Variants in PIEZO1 observed in about 807,000 individuals in gnomAD.
PIEZO1 encodes piezo-type mechanosensitive ion channel component 1.
A neutral mutation model predicts 297.2 loss-of-function variants in PIEZO1; 296 were observed. The observed-to-expected ratio is 1.00, with a 90% CI of 0.91 to 1.10. PIEZO1 has a LOEUF of 1.10. PIEZO1 is among the 50% of genes least tolerant of loss of function. The probability of loss-of-function intolerance (pLI) is 0.00; values close to 1 mark genes in which losing one functional copy is unlikely to be tolerated. For synonymous variants in PIEZO1, 2,427 were observed against 1,507.5 expected (o/e 1.61, Z -14.13); for missense variants, 5,018 against 3,455.5 (o/e 1.45, Z -11.34).
chr16:88,755,664 C>G (rs1394964912), intron 1 of PIEZO1, among the ~76,000 whole-genome samples: 1 of 152,228 alleles, frequency 6.6e-6, no homozygotes, highest in East Asian at 1.9e-4. Context: ...CTGGGGGTTG[C>G]TTTGCTTATA....
intron 1 of PIEZO1, among the ~76,000 whole-genome samples, chr16:88,749,866 G>A (rs755924044): frequency 2.6e-4 from 39 of 149,922 alleles, no homozygotes; most frequent in Non-Finnish European, 4.9e-4. Context: ...TGTCTCCACC[G>A]AAAATACAAA....
At position 88,716,810 on chromosome 16, in the gene PIEZO1, T is replaced by TG. The variant is rs1912074100; in HGVS notation, c.6748dup (p.Gln2250ProfsTer14). The TG allele has an allele frequency of 6.5e-7, 1 of 1,549,898 alleles. No homozygotes were observed. The highest frequency in any genetic ancestry group is 8.7e-7 in the Non-Finnish European group (1 of 1,146,950). ...CACAGGGCAGAGGCCACTTACCGGCTGGGGGTCAAACTGCCGGGACAGCTC... is the reference window on the plus strand; with the variant it reads ...CACAGGGCAGAGGCCACTTACCGGCTGGGGGGTCAAACTGCCGGGACAGCTC... On this transcript the variant is annotated frameshift_variant, in exon 46 of 51. Coordinates refer to ENST00000301015, the MANE Select transcript of PIEZO1 (RefSeq NM_001142864.4). LOFTEE classifies it high-confidence loss of function.
rs548783314 is a variant in PIEZO1, at chr16:88,722,432, T to C, written c.4776-35A>G. On this transcript the variant is annotated intron_variant, in intron 35 of 50. Transcript: ENST00000301015. ...GAAGCCGAGTCACAGAGAATCCTGC[T>C]CTATGGCCTGACCCCAGGCTACAGG... The C allele has an allele frequency of 1.4e-5, 21 of 1,475,164 alleles. No individual in the cohort carries two copies. The African/African-American group carries it at 2.8e-4, about 20-fold the overall frequency. 91.4% of individuals were successfully genotyped at this position (1,475,164 alleles called of 1,614,324 possible).
intron 24 of PIEZO1, 27 bp downstream of exon 24, chr16:88,727,012 C>A (rs964967627): frequency 6.5e-7 from 1 of 1,548,324 alleles, no homozygotes; most frequent in Non-Finnish European, 8.7e-7. Context: ...CCAGAAGGTT[C>A]CCCGTGGAGG....
At position 88,716,452 on chromosome 16, in the gene PIEZO1, C is replaced by A; in HGVS notation, c.6958G>T (p.Ala2320Ser). Residue 2320 changes from alanine to serine, a missense_variant, in exon 48 of 51, where the codon GCC becomes TCC. Transcript: ENST00000301015. The part of the protein sequence containing the change: ...DLAKGGTVEY[A>S]NEKHMLALAP... Reference sequence around the variant, plus strand: ...AGGGCCAGCATGTGCTTCTCGTTGGCATACTCCACAGTGCCTCCCTTCGCC... The same window carrying A: ...AGGGCCAGCATGTGCTTCTCGTTGGAATACTCCACAGTGCCTCCCTTCGCC... 2 of 1,549,618 alleles carry A rather than the reference C, an allele frequency of 1.3e-6. No homozygotes were observed. Among genetic ancestry groups the A allele is most frequent in the South Asian group, 2.4e-5 (2 of 83,944 alleles).
At chr16:88,779,592 C>T (rs1326778487) in intron 1 of PIEZO1, among the ~76,000 whole-genome samples, 2 of 152,182 alleles carry the variant, frequency 1.3e-5, no homozygotes, top group Non-Finnish European at 2.9e-5. Flanking sequence ...CCCACAGGAC[C>T]GGCGTGAGAG....
At position 88,763,879 on chromosome 16, in the gene PIEZO1, G is replaced by A. The variant is rs150517378; in HGVS notation, c.65-14400C>T. On this transcript the variant is annotated intron_variant, in intron 1 of 50. Coordinates refer to ENST00000301015, the MANE Select transcript of PIEZO1 (RefSeq NM_001142864.4). Reference sequence around the variant, plus strand: ...TTTGGAAGCTAGGAGGCAGCTCTCCGGGCTCTGTGAGGCCGTCACAGCCAT... The same window carrying A: ...TTTGGAAGCTAGGAGGCAGCTCTCCAGGCTCTGTGAGGCCGTCACAGCCAT... Among the ~76,000 whole-genome samples, 4 of 152,332 alleles carry A rather than the reference G, an allele frequency of 2.6e-5. No individual in the cohort carries two copies. In the East Asian group the frequency reaches 7.7e-4, roughly 29 times the overall value.
rs1046326232 is a variant in PIEZO1, at chr16:88,716,554, C to T, written c.6926+5G>A. ...CCCAGGCACTGCCCCAAGTCCAGGA[C>T]GAACCTCTGGAAGTTCCAGGTGAAG... On this transcript the variant is annotated splice_donor_5th_base_variant and intron_variant, in intron 47 of 50. Transcript: ENST00000301015. 3.2e-5 allele frequency: 49 copies of T among 1,540,364 alleles called. No individual in the cohort carries two copies. Among genetic ancestry groups the T allele is most frequent in the African/African-American group, 1.8e-4 (13 of 72,934 alleles).
At chr16:88,742,491 C>T (rs953300845) in intron 2 of PIEZO1, 69 bp from the exon 3 acceptor site, 48 of 1,479,860 alleles carry the variant, frequency 3.2e-5, no homozygotes, top group Non-Finnish European at 4.1e-5. Flanking sequence ...GCCGCTCAGC[C>T]GGACAATAGC....
intron 17 of PIEZO1, 24 bp downstream of exon 17, chr16:88,733,882 C>G: frequency 6.8e-7 from 1 of 1,477,574 alleles, no homozygotes; most frequent in Non-Finnish European, 9.0e-7. Context: ...TGGGTGGCAG[C>G]TGTGCTCTGC....
In PIEZO1 at chr16:88,721,202, TCTTC is replaced by T. The variant is rs765234117; in HGVS notation, c.5628_5631del (p.Lys1877ArgfsTer43). The stretch of plus-strand genomic sequence containing the variant: ...GCTCCTTTCCGTGCTGGGCCCTCCT[TCTTC>T]CTTCTTCTAAAACGTAGACTGATGC... On this transcript the variant is annotated frameshift_variant, in exon 39 of 51. Transcript: ENST00000301015. LOFTEE classifies it high-confidence loss of function. 5 of 704,218 alleles carry T rather than the reference TCTTC, an allele frequency of 7.1e-6. No homozygotes were observed. The South Asian group carries it at 1.4e-4, about 19-fold the overall frequency. 43.6% of individuals were successfully genotyped at this position (704,218 alleles called of 1,614,324 possible).
intron 1 of PIEZO1, among the ~76,000 whole-genome samples, chr16:88,756,905 T>C (rs1424101519): frequency 6.6e-6 from 1 of 151,264 alleles, no homozygotes; most frequent in Non-Finnish European, 1.5e-5. Flanking sequence ...TGAAACCCTG[T>C]CTCTACTAAA....
In PIEZO1 at chr16:88,725,491, TCTC is replaced by T. The variant is rs1433679803; in HGVS notation, c.4084_4086del (p.Glu1362del). ...CGGTCCACCCGGCCCTGCCTGTGCTTCTCCTGCTTGGCACGGATACGCTCCATC... is the reference window on the plus strand; with the variant it reads ...CGGTCCACCCGGCCCTGCCTGTGCTTCTGCTTGGCACGGATACGCTCCATC... On this transcript the variant is annotated inframe_deletion, in exon 29 of 51. Transcript: ENST00000301015. The T allele has an allele frequency of 8.5e-6, 13 of 1,526,702 alleles. No homozygotes were observed. The highest frequency in any genetic ancestry group is 2.0e-5 in the Admixed American group (1 of 49,028). The allele number at this position is 1,526,702 out of a possible 1,614,324, so 94.6% of individuals were successfully genotyped here.
chr16:88,767,724 C>G (rs989272376), intron 1 of PIEZO1, among the ~76,000 whole-genome samples: 1 of 152,172 alleles, frequency 6.6e-6, no homozygotes, highest in Non-Finnish European at 1.5e-5. Flanking sequence ...GGCCACCCAG[C>G]CAGGGAGGGG....
intron 1 of PIEZO1, among the ~76,000 whole-genome samples, chr16:88,783,709 G>A (rs1313901432): frequency 1.3e-5 from 2 of 152,214 alleles, no homozygotes; most frequent in African/African-American, 4.8e-5. Flanking sequence ...ACTGAAGAGA[G>A]TTGCTCAAAA....
At chr16:88,771,189 G>C (rs114914988) in intron 1 of PIEZO1, among the ~76,000 whole-genome samples, 1 of 152,206 alleles carries the variant, frequency 6.6e-6, no homozygotes, top group Non-Finnish European at 1.5e-5. Flanking sequence ...ACCGCTACTG[G>C]CACCGGGCCC....
rs748599881 is a variant in PIEZO1 at position 88,715,571 on chromosome 16, C to G, written c.*34G>C. 4 of 1,539,238 alleles carry G rather than the reference C, an allele frequency of 2.6e-6. No homozygotes were observed. In the African/African-American group the frequency reaches 4.1e-5, roughly 16 times the overall value. On this transcript the variant is annotated 3_prime_UTR_variant, in exon 51 of 51. Coordinates refer to ENST00000301015, the MANE Select transcript of PIEZO1 (RefSeq NM_001142864.4). Reference sequence around the variant, plus strand: ...CTTGTGGCCACGCTGCCCAGCAGGCCGGCTCCTTCCCTCTCGGGCGCCAGC... The same window carrying G: ...CTTGTGGCCACGCTGCCCAGCAGGCGGGCTCCTTCCCTCTCGGGCGCCAGC...
chr16:88,742,929 G>A, intron 2 of PIEZO1: 1 of 387,982 alleles, frequency 2.6e-6, no homozygotes, highest in Non-Finnish European at 5.3e-6. Flanking sequence ...CCTCCCTGGG[G>A]CTGAGGGGCT....
chr16:88,733,083 C>A (rs1198977362), intron 19 of PIEZO1, 195 bp downstream of exon 19: 1 of 608,376 alleles, frequency 1.6e-6, no homozygotes, highest in East Asian at 2.8e-5. Context: ...CCCTTGTGTG[C>A]AGGGAGTGCG....
Sources: allele counts gnomAD v4.1 joint callset (sites outside exome capture counted in the v4.1 genomes callset), GRCh38; gene constraint gnomAD v4.1.1; transcripts MANE v1.5; gene names NCBI Gene and HGNC (gene_info 2026-07-23, HGNC 2026-07-21).